The following CADM2 variants were observed in gnomAD, a reference collection of about 807,000 sequenced individuals.
The protein encoded by CADM2 is cell adhesion molecule 2, also known as immunoglobulin superfamily member 4D.
CADM2 carries 12 observed loss-of-function variants against 49.8 expected under a neutral mutation model. The observed-to-expected ratio is 0.24, with a 90% CI of 0.15 to 0.39. The LOEUF (loss-of-function observed/expected upper bound fraction) is 0.39, where lower values mean the gene tolerates loss of function less well. Among genes scored for constraint, CADM2 ranks in the 10% least tolerant of loss-of-function variants. The probability of loss-of-function intolerance (pLI) is 1.00; values close to 1 mark genes in which losing one functional copy is unlikely to be tolerated. For missense variants in CADM2, 378 were observed against 492.3 expected, an observed-to-expected ratio of 0.77 and a Z score of 2.20; for synonymous variants, 214 against 175.4, an observed-to-expected ratio of 1.22 and a Z score of -1.74.
At chr3:85,938,583 T>C (rs1057483734) in intron 7 of CADM2, among the ~76,000 whole-genome samples, 4 of 152,126 alleles carry the variant, frequency 2.6e-5, no homozygotes, top group African/African-American at 9.6e-5. Flanking sequence ...AAATATGTGA[T>C]ATACTCAATC....
chr3:85,578,724 A>G (rs1357281786), intron 1 of CADM2, among the ~76,000 whole-genome samples: 1 of 152,228 alleles, frequency 6.6e-6, no homozygotes, highest in Non-Finnish European at 1.5e-5. Context: ...GCATCTATGA[A>G]TTTAAATTTC....
intron 2 of CADM2, among the ~76,000 whole-genome samples, chr3:85,747,118 C>A (rs1431848156): frequency 6.6e-6 from 1 of 151,952 alleles, no homozygotes; most frequent in East Asian, 1.9e-4. Flanking sequence ...AGAAATACTA[C>A]AGATAACATC....
chr3:85,516,945 A>G (rs1358899143), intron 1 of CADM2, among the ~76,000 whole-genome samples: 3 of 151,612 alleles, frequency 2.0e-5, no homozygotes, highest in Non-Finnish European at 4.4e-5. Context: ...AATTTTTCCA[A>G]CTGATCACAG....
At chr3:85,148,568 T>TTG (rs528547941) in intron 1 of CADM2, among the ~76,000 whole-genome samples, 175 of 152,238 alleles carry the variant, frequency 1.1e-3, no homozygotes, top group Non-Finnish European at 1.3e-3. Flanking sequence ...ACAAAACAAC[T>TTG]TGTGTGACAA....
intron 1 of CADM2, among the ~76,000 whole-genome samples, chr3:85,161,945 G>T (rs911880151): frequency 6.6e-6 from 1 of 152,008 alleles, no homozygotes; most frequent in African/African-American, 2.4e-5. Flanking sequence ...GGATGGGGAG[G>T]TTGCAGTGAG....
At chr3:85,227,815 CTGTAAGGCAGACCTGT>C (rs1304629417) in intron 1 of CADM2, among the ~76,000 whole-genome samples, 1 of 152,076 alleles carries the variant, frequency 6.6e-6, no homozygotes, top group African/African-American at 2.4e-5. Flanking sequence ...TCAGGAGCTC[CTGTAAGGCAGACCTGT>C]TCGTGACAAA....
At chr3:85,482,654 G>T (rs1480665637) in intron 1 of CADM2, among the ~76,000 whole-genome samples, 1 of 151,538 alleles carries the variant, frequency 6.6e-6, no homozygotes, top group East Asian at 1.9e-4. Flanking sequence ...CATTTTTATC[G>T]ATGGTTCATA....
At chr3:85,920,911 A>C (rs2108503070) in intron 6 of CADM2, among the ~76,000 whole-genome samples, 1 of 151,782 alleles carries the variant, frequency 6.6e-6, no homozygotes, top group African/African-American at 2.4e-5. Context: ...TTTCCTAATT[A>C]AGCTTATCAT....
intron 1 of CADM2, among the ~76,000 whole-genome samples, chr3:85,299,568 T>G (rs968878416): frequency 6.6e-6 from 1 of 152,062 alleles, no homozygotes; most frequent in African/African-American, 2.4e-5. Context: ...ACCTTTAGTC[T>G]TAAGTGTGCT....
At chr3:86,020,872 G>A (rs1396466812) in intron 8 of CADM2, among the ~76,000 whole-genome samples, 1 of 152,024 alleles carries the variant, frequency 6.6e-6, no homozygotes, top group Non-Finnish European at 1.5e-5. Flanking sequence ...CAAACCCACA[G>A]CCAATATCAT....
At chr3:85,363,768 C>T (rs1320382159) in intron 1 of CADM2, among the ~76,000 whole-genome samples, 2 of 152,144 alleles carry the variant, frequency 1.3e-5, no homozygotes, top group Non-Finnish European at 1.5e-5. Flanking sequence ...CCCGCCACCG[C>T]GCCCGGCTAA....
intron 8 of CADM2, among the ~76,000 whole-genome samples, chr3:86,018,721 G>T (rs550002195): frequency 8.5e-5 from 13 of 152,248 alleles, no homozygotes; most frequent in Non-Finnish European, 1.8e-4. Flanking sequence ...TTTTGATGGG[G>T]TTGTTTGGTT....
At chr3:85,830,797 T>TTTTA (rs78682464) in intron 3 of CADM2, among the ~76,000 whole-genome samples, 21,689 of 142,032 alleles carry the variant, frequency 0.15, 1,822 homozygotes, top group East Asian at 0.27. Context: ...TCTTTGTGCA[T>TTTTA]TTTATTTATT....
intron 8 of CADM2, among the ~76,000 whole-genome samples, chr3:86,012,008 T>A (rs1731574888): frequency 6.6e-6 from 1 of 152,016 alleles, no homozygotes; most frequent in Non-Finnish European, 1.5e-5. Flanking sequence ...ATTCTAGTGT[T>A]TAATATTTTA....
At chr3:86,065,569 A>T (rs769046632) in intron 8 of CADM2, 36 bp from the exon 9 acceptor site, 25 of 1,586,190 alleles carry the variant, frequency 1.6e-5, no homozygotes, top group Admixed American at 7.5e-5. Context: ...ACTAAATAAC[A>T]CATTAAATAG....
At chr3:85,528,183 C>G (rs2061214848) in intron 1 of CADM2, among the ~76,000 whole-genome samples, 1 of 152,038 alleles carries the variant, frequency 6.6e-6, no homozygotes, top group Non-Finnish European at 1.5e-5. Context: ...CCTCTTCTGT[C>G]CCCTTCCTGT....
At chr3:85,432,639 G>A (rs2036734928) in intron 1 of CADM2, among the ~76,000 whole-genome samples, 1 of 152,048 alleles carries the variant, frequency 6.6e-6, no homozygotes, top group African/African-American at 2.4e-5. Context: ...CACCAACAAA[G>A]TTTGCTGAAA....
At chr3:85,925,172 C>T (rs1195458692) in intron 6 of CADM2, among the ~76,000 whole-genome samples, 3 of 151,978 alleles carry the variant, frequency 2.0e-5, no homozygotes, top group Non-Finnish European at 4.4e-5. Context: ...AACTCCCATA[C>T]TACATCATCC....
At chr3:85,831,623 T>G (rs2074191035) in intron 3 of CADM2, among the ~76,000 whole-genome samples, 1 of 152,014 alleles carries the variant, frequency 6.6e-6, no homozygotes, top group African/African-American at 2.4e-5. Context: ...GCCCCATGTA[T>G]GTCTTCTTTT....
Sources: gnomAD v4.1 joint callset for allele counts (sites outside exome capture counted in the v4.1 genomes callset) on GRCh38, gnomAD v4.1.1 for gene constraint, MANE v1.5 for transcripts, NCBI Gene and HGNC (gene_info 2026-07-23, HGNC 2026-07-21) for gene names.